Variants in MLLT3 observed in about 807,000 individuals in gnomAD.
MLLT3 encodes protein AF-9.
A neutral mutation model predicts 53.2 loss-of-function variants in MLLT3; 4 were observed. The observed-to-expected ratio is 0.08, with a 90% confidence interval of 0.04 to 0.17. The LOEUF is 0.17. Ranked by LOEUF, MLLT3 falls within the 10% of genes least tolerant of loss-of-function variation. The pLI is 1.00. For missense variants in MLLT3, 569 were observed against 684.0 expected (o/e 0.83, Z 1.87); for synonymous variants, 283 against 230.6 (o/e 1.23, Z -2.06).
In MLLT3 at chr9:20,609,666, C is replaced by G. The variant is rs868149919; in HGVS notation, c.193+10988G>C. ...TTCTGAGTTCTTGAAATGCTCCAAT[C>G]TACAAGTAATAGTTGATGGTTGAGG... On this transcript the variant is annotated intron_variant, in intron 2 of 10. Coordinates refer to ENST00000380338, the MANE Select transcript of MLLT3 (RefSeq NM_004529.4). Among the ~76,000 whole-genome samples, 3 of 152,192 alleles carry G rather than the reference C, an allele frequency of 2.0e-5. No homozygotes were observed. The Middle Eastern group carries it at 0.01, about 518-fold the overall frequency.
At chr9:20,478,373 C>G (rs1277656522) in intron 2 of MLLT3, among the ~76,000 whole-genome samples, 1 of 152,096 alleles carries the variant, frequency 6.6e-6, no homozygotes, top group East Asian at 1.9e-4. Context: ...AGCACTGTCC[C>G]TCAGTGACTA....
At chr9:20,430,568 C>T (rs1823241433) in intron 4 of MLLT3, among the ~76,000 whole-genome samples, 1 of 152,070 alleles carries the variant, frequency 6.6e-6, no homozygotes, top group Non-Finnish European at 1.5e-5. Flanking sequence ...TATAGGAAAA[C>T]ATTTAAATTA....
chr9:20,359,592 C>T (rs1287156608), intron 8 of MLLT3, among the ~76,000 whole-genome samples: 1 of 152,158 alleles, frequency 6.6e-6, no homozygotes, highest in Non-Finnish European at 1.5e-5. Context: ...ATAGACAAAC[C>T]TTATAAATGA....
At chr9:20,459,972 A>C (rs1032951180) in intron 2 of MLLT3, among the ~76,000 whole-genome samples, 7 of 152,230 alleles carry the variant, frequency 4.6e-5, no homozygotes, top group African/African-American at 1.4e-4. Context: ...TTCTAATCTG[A>C]AGAAAGTCAA....
chr9:20,371,880 C>A (rs1456763744), intron 5 of MLLT3, among the ~76,000 whole-genome samples: 1 of 152,126 alleles, frequency 6.6e-6, no homozygotes, highest in Non-Finnish European at 1.5e-5. Context: ...AAATAAAAAA[C>A]CTTCTGGAAA....
chr9:20,351,527 T>G lies in MLLT3; in HGVS notation c.1575+1998A>C, dbSNP rs115665075. Among the ~76,000 whole-genome samples, 1,381 of 152,350 alleles carry G rather than the reference T, an allele frequency of 9.1e-3. 19 individuals are homozygous for G. The highest frequency in any genetic ancestry group is 0.031 in the African/African-American group (1,269 of 41,582). ...AAAGTGGCTTAGGAACACAGGCTCC[T>G]TGATCCAATGCTGTCTGTTCATTAA... On this transcript the variant is annotated intron_variant, in intron 10 of 10. Transcript: ENST00000380338.
intron 2 of MLLT3, among the ~76,000 whole-genome samples, chr9:20,589,939 G>A (rs897121261): frequency 2.6e-5 from 4 of 152,086 alleles, no homozygotes; most frequent in Non-Finnish European, 5.9e-5. Flanking sequence ...TCGAACTCCT[G>A]ACCTCGTGAT....
chr9:20,535,224 G>A (rs1048593451), intron 2 of MLLT3, among the ~76,000 whole-genome samples: 2 of 152,128 alleles, frequency 1.3e-5, no homozygotes, highest in Admixed American at 6.5e-5. Flanking sequence ...CACATGTGAG[G>A]GATCTTGGTT....
intron 3 of MLLT3, among the ~76,000 whole-genome samples, chr9:20,454,243 G>A (rs939656907): frequency 3.3e-5 from 5 of 152,102 alleles, no homozygotes; most frequent in Admixed American, 6.5e-5. Flanking sequence ...GTGTGTGTGT[G>A]TGTGTGTGTG....
chr9:20,354,700 T>C (rs761422943), intron 9 of MLLT3, 108 bp downstream of exon 9: 120 of 762,128 alleles, frequency 1.6e-4, no homozygotes, highest in Middle Eastern at 4.6e-4. Flanking sequence ...CTTGGACACT[T>C]TGATGAAGAA....
intron 5 of MLLT3, among the ~76,000 whole-genome samples, chr9:20,383,312 T>C (rs1023435766): frequency 6.6e-6 from 1 of 151,976 alleles, no homozygotes; most frequent in African/African-American, 2.4e-5. Context: ...ACTTTTGACA[T>C]GAACTTTGCA....
At position 20,621,113 on chromosome 9, in the gene MLLT3, G is replaced by T. The variant is rs909827737; in HGVS notation, c.13-279C>A. The T allele has an allele frequency of 7.0e-6, 4 of 574,188 alleles. No individual in the cohort carries two copies. Among genetic ancestry groups the T allele is most frequent in the East Asian group, 3.1e-5 (1 of 32,316 alleles). The allele number at this position is 574,188 out of a possible 1,614,324, so 35.6% of individuals were successfully genotyped here. A position where few individuals can be genotyped will look rare whatever the true frequency, so the allele number is the denominator to read the frequency against. ...TATCCCCAGTCGGGAAGGGGGTCGG[G>T]GAAAAGAGGGAGAACACACTCAGCC... On this transcript the variant is annotated intron_variant, in intron 1 of 10. Transcript: ENST00000380338. This position sits in a 1 kb window ranked among gnomAD's most constrained non-coding sequence, Gnocchi z 7.0.
intron 5 of MLLT3, among the ~76,000 whole-genome samples, chr9:20,369,488 G>A (rs774471309): frequency 8.5e-5 from 13 of 152,138 alleles, no homozygotes; most frequent in Non-Finnish European, 1.6e-4. Flanking sequence ...GCCACTTAAT[G>A]AAAACATTTA....
At position 20,448,060 on chromosome 9, in the gene MLLT3, GTT is replaced by G. The variant is rs111349071; in HGVS notation, c.420+61_420+62del. The G allele has an allele frequency of 5.9e-5, 71 of 1,204,004 alleles. No homozygotes were observed. The highest frequency in any genetic ancestry group is 2.0e-4 in the African/African-American group (13 of 65,960). 74.6% of individuals were successfully genotyped at this position (1,204,004 alleles called of 1,614,324 possible). On this transcript the variant is annotated intron_variant, in intron 4 of 10. Coordinates refer to ENST00000380338, the MANE Select transcript of MLLT3 (RefSeq NM_004529.4). The surrounding 1 kb of genome is among the most constrained non-coding windows in gnomAD (Gnocchi z 4.0). ...TAACACATGAGGAACTAGTTTGTTT[GTT>G]TTTTTTTTTGTTGTTGTTGTTTTTT...
At chr9:20,570,396 G>A (rs892601561) in intron 2 of MLLT3, among the ~76,000 whole-genome samples, 1 of 152,118 alleles carries the variant, frequency 6.6e-6, no homozygotes, top group African/African-American at 2.4e-5. Flanking sequence ...TAACACTTAA[G>A]AGAAATGAAA....
intron 2 of MLLT3, among the ~76,000 whole-genome samples, chr9:20,585,570 C>A (rs1819933863): frequency 6.6e-6 from 1 of 152,212 alleles, no homozygotes; most frequent in Admixed American, 6.5e-5. Context: ...GGATCCACAT[C>A]CTTCCCAGCA....
At chr9:20,422,605 G>A (rs566058760) in intron 4 of MLLT3, among the ~76,000 whole-genome samples, 19 of 152,282 alleles carry the variant, frequency 1.2e-4, no homozygotes, top group Middle Eastern at 3.4e-3. Flanking sequence ...GATGCTGACC[G>A]TTCAAGGAGA....
intron 2 of MLLT3, among the ~76,000 whole-genome samples, chr9:20,502,539 AT>A (rs1009935481): frequency 6.6e-6 from 1 of 152,226 alleles, no homozygotes; most frequent in Non-Finnish European, 1.5e-5. Context: ...AAAAAATTAC[AT>A]CTGTACTGAA....
chr9:20,420,701 C>T (rs1051183505), intron 4 of MLLT3, among the ~76,000 whole-genome samples: 2 of 151,966 alleles, frequency 1.3e-5, no homozygotes, highest in African/African-American at 4.8e-5. Flanking sequence ...TTTTCTATCT[C>T]GTTTTTTTTT....
Sources: allele counts gnomAD v4.1 joint callset (sites outside exome capture counted in the v4.1 genomes callset), GRCh38; gene constraint gnomAD v4.1.1; non-coding constraint Gnocchi (gnomAD v3.1); transcripts MANE v1.5; gene names NCBI Gene and HGNC (gene_info 2026-07-23, HGNC 2026-07-21).